Variants in GRIP1 observed in about 807,000 individuals in gnomAD.
GRIP1 encodes glutamate receptor-interacting protein 1.
GRIP1 carries 45 observed loss-of-function variants against 129.9 expected under a neutral mutation model. The ratio of observed to expected loss-of-function variants is 0.35; its 90% CI spans 0.27 to 0.44. GRIP1 has a LOEUF of 0.44. Among genes scored for constraint, GRIP1 ranks in the 20% least tolerant of loss-of-function variants. GRIP1 has a pLI of 1.00. For synonymous variants in GRIP1, 530 were observed against 520.8 expected (o/e 1.02, Z -0.24); for missense variants, 1,196 against 1,396.8 (o/e 0.86, Z 2.29).
At chr12:66,988,895 T>C (rs564637338) in intron 1 of GRIP1, among the ~76,000 whole-genome samples, 44 of 152,328 alleles carry the variant, frequency 2.9e-4, no homozygotes, top group Admixed American at 2.7e-3. Flanking sequence ...TCGGCTAACA[T>C]GCAAAACTCT....
chr12:67,063,616 AT>A (rs1436208101), intron 1 of GRIP1, among the ~76,000 whole-genome samples: 2 of 152,178 alleles, frequency 1.3e-5, no homozygotes, highest in Non-Finnish European at 2.9e-5. Context: ...TCATTCTTGT[AT>A]TTTGTATTAC....
chr12:66,780,496 G>A (rs1021363200), intron 1 of GRIP1, among the ~76,000 whole-genome samples: 2 of 152,158 alleles, frequency 1.3e-5, no homozygotes, highest in Non-Finnish European at 2.9e-5. Flanking sequence ...CCATATTGAG[G>A]AGAAACTGCT....
At chr12:66,612,913 T>C (rs954148616) in intron 1 of GRIP1, among the ~76,000 whole-genome samples, 2 of 152,170 alleles carry the variant, frequency 1.3e-5, no homozygotes, top group Admixed American at 6.6e-5. Context: ...AGAATGTTCT[T>C]CTTCATATGT....
At chr12:66,493,244 C>T (rs2138690729) in intron 7 of GRIP1, among the ~76,000 whole-genome samples, 1 of 152,192 alleles carries the variant, frequency 6.6e-6, no homozygotes, top group South Asian at 2.1e-4. Context: ...TAGCATTGCT[C>T]AGCAGTGAGT....
chr12:66,940,964 T>G (rs1047651805), intron 1 of GRIP1, among the ~76,000 whole-genome samples: 3 of 152,190 alleles, frequency 2.0e-5, no homozygotes, highest in African/African-American at 7.2e-5. Flanking sequence ...TGATATCAGT[T>G]TTTTTAGTTG....
At chr12:66,427,777 C>T (rs1177839823) in intron 14 of GRIP1, among the ~76,000 whole-genome samples, 2 of 152,222 alleles carry the variant, frequency 1.3e-5, no homozygotes, top group Non-Finnish European at 1.5e-5. Flanking sequence ...CTAAAGGCCA[C>T]ACCTTAACAT....
At chr12:66,710,583 G>A (rs966426671) in intron 1 of GRIP1, among the ~76,000 whole-genome samples, 1 of 151,936 alleles carries the variant, frequency 6.6e-6, no homozygotes, top group Admixed American at 6.6e-5. Flanking sequence ...GGAAACCAAT[G>A]CACTTTCCTT....
At chr12:66,878,369 C>T (rs2137180099) in intron 1 of GRIP1, among the ~76,000 whole-genome samples, 1 of 152,030 alleles carries the variant, frequency 6.6e-6, no homozygotes, top group East Asian at 1.9e-4. Flanking sequence ...AGGATTTGAG[C>T]TAAGCTTGAA....
In GRIP1 at chr12:66,456,327, C is replaced by G; in HGVS notation, c.1058G>C (p.Ser353Thr). The G allele has an allele frequency of 4.7e-6, 6 of 1,289,126 alleles. No individual in the cohort carries two copies. The highest frequency in any genetic ancestry group is 6.1e-6 in the Non-Finnish European group (6 of 988,236). The allele number at this position is 1,289,126 out of a possible 1,614,324, so 79.9% of individuals were successfully genotyped here. A position where few individuals can be genotyped will look rare whatever the true frequency, so the allele number is the denominator to read the frequency against. Residue 353 changes from serine to threonine, a missense_variant, in exon 10 of 25, where the codon AGC becomes ACC. Physicochemically the swap from Ser to Thr is moderately conservative, Grantham distance 58 (BLOSUM62 1). Around this residue, in one of 5 missense-constraint regions of GRIP1, gnomAD observed 508 missense variants for 587.0 expected, o/e 0.87. Coordinates refer to ENST00000359742, the MANE Select transcript of GRIP1 (RefSeq NM_001366722.1). ...GGAATCCCAGGTAAGTTGCCTGTCG[C>G]TCCTCTGAATTTTCACTGCCCATAT... ...KGPDHVKIQRSDRQLTWDSWA... is the reference protein window; with the variant it reads ...KGPDHVKIQRTDRQLTWDSWA...
At chr12:66,862,564 C>T (rs2040130892) in intron 1 of GRIP1, among the ~76,000 whole-genome samples, 1 of 152,008 alleles carries the variant, frequency 6.6e-6, no homozygotes, top group Admixed American at 6.6e-5. Flanking sequence ...TCTGAAAGCC[C>T]CTAGGAAGGA....
intron 1 of GRIP1, among the ~76,000 whole-genome samples, chr12:66,702,323 T>C (rs2035377440): frequency 6.6e-6 from 1 of 152,210 alleles, no homozygotes; most frequent in African/African-American, 2.4e-5. Flanking sequence ...ATGATATTTC[T>C]ATCTAATAGT....
At chr12:67,032,716 G>T (rs920292690) in intron 1 of GRIP1, among the ~76,000 whole-genome samples, 2 of 152,090 alleles carry the variant, frequency 1.3e-5, no homozygotes, top group South Asian at 4.1e-4. Context: ...TATACCTTGG[G>T]GGTGCAAGAT....
chr12:66,420,940 T>C, intron 14 of GRIP1, 151 bp from the exon 15 acceptor site: 1 of 606,432 alleles, frequency 1.6e-6, no homozygotes, highest in South Asian at 2.0e-5. Context: ...ATGCACATTA[T>C]GTCTTTACAA....
At chr12:66,533,859 ACACT>A (rs1384118427) in intron 4 of GRIP1, among the ~76,000 whole-genome samples, 51 of 93,098 alleles carry the variant, frequency 5.5e-4, no homozygotes, top group African/African-American at 2.4e-3. Flanking sequence ...ACACACACAC[ACACT>A]CACACACACA....
intron 1 of GRIP1, among the ~76,000 whole-genome samples, chr12:66,727,647 A>G (rs527976316): frequency 1.2e-4 from 19 of 152,338 alleles, no homozygotes; most frequent in African/African-American, 4.6e-4. Context: ...AAAAATGCAG[A>G]ATTAGAATAT....
chr12:66,481,780 G>C (rs1285484022), intron 7 of GRIP1, among the ~76,000 whole-genome samples: 1 of 152,164 alleles, frequency 6.6e-6, no homozygotes. Context: ...AAAAAAGGAT[G>C]AGTTCATGTC....
chr12:66,531,124 A>G (rs1049774534), intron 4 of GRIP1, among the ~76,000 whole-genome samples: 8 of 151,578 alleles, frequency 5.3e-5, no homozygotes, highest in Non-Finnish European at 1.2e-4. Flanking sequence ...AATCCCAGCT[A>G]CTTTGGAGGC....
intron 1 of GRIP1, among the ~76,000 whole-genome samples, chr12:66,870,347 A>G (rs2137150905): frequency 6.6e-6 from 1 of 151,782 alleles, no homozygotes; most frequent in African/African-American, 2.4e-5. Context: ...TTTTATCCCA[A>G]GATGTAAATC....
chr12:66,641,526 T>C (rs1454368941), intron 1 of GRIP1, among the ~76,000 whole-genome samples: 1 of 152,214 alleles, frequency 6.6e-6, no homozygotes, highest in Non-Finnish European at 1.5e-5. Flanking sequence ...CTTTGCCGTT[T>C]TTCTATAAAA....
Sources: allele counts gnomAD v4.1 joint callset (sites outside exome capture counted in the v4.1 genomes callset), GRCh38; gene constraint gnomAD v4.1.1; regional missense constraint gnomAD v4.1.1; transcripts MANE v1.5; gene names NCBI Gene and HGNC (gene_info 2026-07-23, HGNC 2026-07-21).